ZC3H11A: variants seen among roughly 807,000 people sequenced by gnomAD.
ZC3H11A encodes the protein zinc finger CCCH domain-containing protein 11A.
ZC3H11A carries 22 observed loss-of-function variants against 90.8 expected under a neutral mutation model. The observed-to-expected ratio is 0.24, with a 90% CI of 0.17 to 0.35. The LOEUF (loss-of-function observed/expected upper bound fraction) is 0.35, where lower values mean the gene tolerates loss of function less well. ZC3H11A is among the 10% of genes least tolerant of loss of function. The pLI is 1.00. For missense variants in ZC3H11A, 701 were observed against 964.9 expected (o/e 0.73, Z 3.62); for synonymous variants, 294 against 339.8 (o/e 0.87, Z 1.48).
intron 12 of ZC3H11A, among the ~76,000 whole-genome samples, chr1:203,841,946 C>A (rs1490904498): frequency 1.5e-5 from 2 of 137,842 alleles, no homozygotes; most frequent in Non-Finnish European, 3.1e-5. Context: ...CAGAGACACT[C>A]CTCAGTTCCC....
Position 203,853,917 on chromosome 1 carries a change from C to T in ZC3H11A, c.*1518C>T, listed in dbSNP as rs1215207652. 1 of 152,616 alleles carries T rather than the reference C, an allele frequency of 6.6e-6. No individual in the cohort carries two copies. 9.5% of individuals were successfully genotyped at this position (152,616 alleles called of 1,614,324 possible). On this transcript the variant is annotated 3_prime_UTR_variant, in exon 18 of 18. Transcript: ENST00000367210. ...TTCAGGTTTCACCATGGATTTTCTA[C>T]TTATTTCGTTTTTGGAATCAGCTTA...
chr1:203,797,348 G>A (rs1668886477), intron 1 of ZC3H11A: 1 of 571,864 alleles, frequency 1.7e-6, no homozygotes, highest in Non-Finnish European at 2.9e-6. Context: ...GTTCTCCATT[G>A]CTGTCAGTTT....
At chr1:203,810,444 G>A (rs1222671302) in intron 2 of ZC3H11A, among the ~76,000 whole-genome samples, 1 of 140,082 alleles carries the variant, frequency 7.1e-6, no homozygotes, top group African/African-American at 2.7e-5. Context: ...TTTTGAGACA[G>A]AGTCTCACTC....
chr1:203,833,618 G>GT lies in ZC3H11A; in HGVS notation c.812-155dup, dbSNP rs553171669. On this transcript the variant is annotated intron_variant, in intron 9 of 17. Coordinates refer to ENST00000367210, the MANE Select transcript of ZC3H11A (RefSeq NM_001376342.1). ...GGCTGTTTATTATTAATAGGTTTGG[G>GT]TTTTTTTTTTTTTTTTTTGATATAA... Among the ~76,000 whole-genome samples the GT allele has an allele frequency of 4.9e-3, 609 of 124,804 alleles. 6 individuals are homozygous for GT. The highest frequency in any genetic ancestry group is 5.8e-3 in the Non-Finnish European group (351 of 60,342). The allele number at this position is 124,804 out of a possible 152,430, so 81.9% of individuals were successfully genotyped here.
intron 2 of ZC3H11A, chr1:203,806,290 C>T (rs187397199): frequency 1.2e-4 from 29 of 246,750 alleles, no homozygotes. Context: ...GGAACCCATA[C>T]ACCTTTTTTT....
At chr1:203,827,301 A>G (rs1680832144) in intron 4 of ZC3H11A, among the ~76,000 whole-genome samples, 1 of 151,922 alleles carries the variant, frequency 6.6e-6, no homozygotes. Context: ...TTTCTAGGAC[A>G]TACATCCTAT....
intron 2 of ZC3H11A, among the ~76,000 whole-genome samples, chr1:203,811,982 AT>A (rs1431347907): frequency 2.0e-5 from 3 of 151,400 alleles, no homozygotes; most frequent in Non-Finnish European, 2.9e-5. Flanking sequence ...TGCTTGGCTA[AT>A]TTTTATATTT....
intron 4 of ZC3H11A, among the ~76,000 whole-genome samples, chr1:203,823,597 G>A (rs945286867): frequency 6.6e-6 from 1 of 152,204 alleles, no homozygotes; most frequent in Non-Finnish European, 1.5e-5. Flanking sequence ...GGTCCCAGAT[G>A]CTAGCCAAGA....
intron 2 of ZC3H11A, among the ~76,000 whole-genome samples, chr1:203,808,134 A>G (rs1673015942): frequency 1.3e-5 from 2 of 152,166 alleles, no homozygotes; most frequent in Admixed American, 1.3e-4. Context: ...CAAAAGTATA[A>G]GTACATAGGT....
At chr1:203,799,706 A>T (rs1437800513) in intron 1 of ZC3H11A, 8 of 720,168 alleles carry the variant, frequency 1.1e-5, no homozygotes, top group East Asian at 2.7e-5. Flanking sequence ...AACTCAGAGA[A>T]GATTTTCAAG....
Position 203,802,643 on chromosome 1 carries a change from ATTG to A in ZC3H11A, c.-516_-514del, listed in dbSNP as rs2102442025. On this transcript the variant is annotated 5_prime_UTR_variant, in exon 2 of 18. Transcript: ENST00000367210. ...TTTTTTTGTTTTTTTTTTAAATTAT[ATTG>A]TTCAGCTATGGAAGATGGAGTTTTT... The A allele has an allele frequency of 6.6e-6, 1 of 150,402 alleles. No individual in the cohort carries two copies. Among genetic ancestry groups the A allele is most frequent in the African/African-American group, 2.5e-5 (1 of 40,768 alleles). The allele number at this position is 150,402 out of a possible 1,614,324, so 9.3% of individuals were successfully genotyped here.
At chr1:203,804,817 C>T (rs748113450) in intron 2 of ZC3H11A, among the ~76,000 whole-genome samples, 3 of 151,620 alleles carry the variant, frequency 2.0e-5, no homozygotes, top group Non-Finnish European at 2.9e-5. Flanking sequence ...AGATTACAGG[C>T]GCATGCCACC....
intron 12 of ZC3H11A, among the ~76,000 whole-genome samples, chr1:203,844,834 C>T (rs1572339612): frequency 6.6e-6 from 1 of 151,998 alleles, no homozygotes; most frequent in Non-Finnish European, 1.5e-5. Flanking sequence ...TATCCCTCCT[C>T]CCTCCCCTTT....
At chr1:203,800,754 C>T (rs1670317191) in intron 1 of ZC3H11A, 2 of 216,764 alleles carry the variant, frequency 9.2e-6, no homozygotes, top group Admixed American at 5.8e-5. Context: ...GGCTTTCTTC[C>T]TGGTAGATTG....
chr1:203,821,792 C>CT (rs1359187977), intron 4 of ZC3H11A, among the ~76,000 whole-genome samples: 1 of 150,858 alleles, frequency 6.6e-6, no homozygotes, highest in African/African-American at 2.4e-5. Context: ...GAGTCTTGCT[C>CT]TATCACCCAG....
At chr1:203,804,787 C>T (rs1306089937) in intron 2 of ZC3H11A, among the ~76,000 whole-genome samples, 1 of 150,634 alleles carries the variant, frequency 6.6e-6, no homozygotes, top group Non-Finnish European at 1.5e-5. Context: ...ATTCTTCTGT[C>T]TCAGCCTCCC....
intron 8 of ZC3H11A, among the ~76,000 whole-genome samples, chr1:203,830,757 T>C (rs1278559374): frequency 2.0e-5 from 3 of 151,776 alleles, no homozygotes; most frequent in Non-Finnish European, 4.4e-5. Context: ...TGCAGTGAGC[T>C]GAGATCGCAC....
intron 12 of ZC3H11A, among the ~76,000 whole-genome samples, chr1:203,846,028 G>GCAC (rs1687793812): frequency 6.8e-6 from 1 of 147,350 alleles, no homozygotes; most frequent in Admixed American, 7.0e-5. Flanking sequence ...TGTAATCCCA[G>GCAC]CACTTTGATT....
chr1:203,824,702 G>A (rs1679915951), intron 4 of ZC3H11A, among the ~76,000 whole-genome samples: 1 of 152,122 alleles, frequency 6.6e-6, no homozygotes, highest in African/African-American at 2.4e-5. Flanking sequence ...TGGTGGTGCT[G>A]CTTAAAATGG....
Sources: allele counts gnomAD v4.1 joint callset (sites outside exome capture counted in the v4.1 genomes callset), GRCh38; gene constraint gnomAD v4.1.1; transcripts MANE v1.5; gene names NCBI Gene and HGNC (gene_info 2026-07-23, HGNC 2026-07-21).